Variants in N4BP2 observed in about 807,000 individuals in gnomAD.
N4BP2 encodes the protein NEDD4 binding protein 2.
In N4BP2, 91 loss-of-function variants were observed where a neutral mutation model predicts 152.8. The observed-to-expected ratio is 0.60, with a 90% CI of 0.50 to 0.71. The LOEUF (loss-of-function observed/expected upper bound fraction) is 0.71. Ranked by LOEUF, N4BP2 falls within the 30% of genes least tolerant of loss-of-function variation. N4BP2 has a pLI of 0.00. For missense variants in N4BP2, 1,923 were observed against 2,059.1 expected, an observed-to-expected ratio of 0.93 and a Z score of 1.28; for synonymous variants, 646 against 705.3, an observed-to-expected ratio of 0.92 and a Z score of 1.33.
chr4:40,150,498 C>T (rs1461618997), intron 16 of N4BP2, among the ~76,000 whole-genome samples: 1 of 152,128 alleles, frequency 6.6e-6, no homozygotes, highest in Non-Finnish European at 1.5e-5. Flanking sequence ...GAAACCACGT[C>T]TCCACTAATA....
Position 40,110,704 on chromosome 4 carries a change from A to AT in N4BP2, c.1499-1375dup, listed in dbSNP as rs553501464. Among the ~76,000 whole-genome samples the AT allele has an allele frequency of 6.6e-5, 10 of 152,078 alleles. No individual in the cohort carries two copies. The East Asian group carries it at 1.9e-3, about 29-fold the overall frequency. ...AGGTGCAAGCCACTACGCCCGGCTA[A>AT]TTTTTGTATTTTTAGTAGAGACGGG... On this transcript the variant is annotated intron_variant, in intron 5 of 17. Coordinates refer to ENST00000261435, the MANE Select transcript of N4BP2 (RefSeq NM_018177.6).
Position 40,120,714 on chromosome 4 carries a change from A to G in N4BP2, c.2603A>G (p.Tyr868Cys). 1 of 1,614,110 alleles carries G rather than the reference A, an allele frequency of 6.2e-7. No individual in the cohort carries two copies. The highest frequency in any genetic ancestry group is 8.5e-7 in the Non-Finnish European group (1 of 1,180,012). Residue 868 changes from tyrosine to cysteine, a missense_variant, in exon 9 of 18, where the codon TAT becomes TGT. Tyr to Cys is a radical substitution (Grantham distance 194). Transcript: ENST00000261435. ...TCAGAGCCACTCAATAGCTATAAAT[A>G]TGATGCTTATAAAAATATTGACAAA... Reference protein sequence around the residue: ...DASEPLNSYKYDAYKNIDKNS... With the variant: ...DASEPLNSYKCDAYKNIDKNS...
intron 2 of N4BP2, among the ~76,000 whole-genome samples, chr4:40,084,628 A>G (rs1486215646): frequency 2.4e-5 from 3 of 126,848 alleles, no homozygotes; most frequent in Non-Finnish European, 5.2e-5. Flanking sequence ...ATATATATAT[A>G]TAATTTTTTT....
At chr4:40,150,329 T>G (rs918542850) in intron 16 of N4BP2, among the ~76,000 whole-genome samples, 1 of 152,132 alleles carries the variant, frequency 6.6e-6, no homozygotes, top group Admixed American at 6.5e-5. Context: ...AGGAACATGT[T>G]AAACAACACC....
At chr4:40,147,447 G>A (rs1302324284) in intron 16 of N4BP2, among the ~76,000 whole-genome samples, 1 of 151,812 alleles carries the variant, frequency 6.6e-6, no homozygotes, top group Non-Finnish European at 1.5e-5. Flanking sequence ...CAGACGGGGT[G>A]GTGGCCGGGC....
chr4:40,096,542 G>C (rs1715120790), intron 2 of N4BP2, among the ~76,000 whole-genome samples: 1 of 152,170 alleles, frequency 6.6e-6, no homozygotes, highest in Non-Finnish European at 1.5e-5. Flanking sequence ...CTAGTGGATA[G>C]TTTAGTAGAA....
rs770639357 is a variant in N4BP2 at position 40,113,462 on chromosome 4, C to T, written c.1618C>T (p.Arg540Trp). 16 of 1,612,588 alleles carry T rather than the reference C, an allele frequency of 9.9e-6. No homozygotes were observed. The highest frequency in any genetic ancestry group is 3.3e-4 in the Middle Eastern group (2 of 6,076). ...GAAACACAAATATAAAGTCCTTTTT[C>T]GGGAACCAGACACATGGTGGAAGTT... ...SQKHKYKVLF[R>W]EPDTWWKFKP... Residue 540 changes from arginine to tryptophan, a missense_variant, in exon 7 of 18, where the codon CGG (arginine) becomes TGG (tryptophan). Transcript: ENST00000261435.
chr4:40,140,734 C>T (rs538919461), intron 14 of N4BP2, among the ~76,000 whole-genome samples: 6 of 151,736 alleles, frequency 4.0e-5, no homozygotes, highest in African/African-American at 9.7e-5. Context: ...GAGGACCCTG[C>T]GGCCTTCCGC....
chr4:40,153,604 A>G lies in N4BP2; in HGVS notation c.5268-588A>G, dbSNP rs146879967. On this transcript the variant is annotated intron_variant, in intron 17 of 17. Transcript: ENST00000261435. ...GTGTATCATTAACTCCTACCCACCA[A>G]TTTCAGTGTAGCATATTTATTTTAT... Among the ~76,000 whole-genome samples, 12 of 152,254 alleles carry G rather than the reference A, an allele frequency of 7.9e-5. No homozygotes were observed. In the East Asian group the frequency reaches 2.3e-3, roughly 29 times the overall value.
intron 14 of N4BP2, among the ~76,000 whole-genome samples, chr4:40,138,101 C>T (rs114584966): frequency 0.019 from 2,854 of 152,242 alleles, 101 homozygotes; most frequent in African/African-American, 0.065. Flanking sequence ...GCAAAAATTC[C>T]AGTGGCAGAA....
intron 2 of N4BP2, among the ~76,000 whole-genome samples, chr4:40,083,679 G>C (rs1713631581): frequency 6.6e-6 from 1 of 152,140 alleles, no homozygotes; most frequent in Non-Finnish European, 1.5e-5. Context: ...GGATAGGAGA[G>C]GGAGGAATGG....
At chr4:40,077,628 A>G (rs1314477742) in intron 2 of N4BP2, among the ~76,000 whole-genome samples, 1 of 151,800 alleles carries the variant, frequency 6.6e-6, no homozygotes, top group Admixed American at 6.6e-5. Context: ...TAATTTTTGT[A>G]TTTTTAGTAG....
rs201074418 is a variant in N4BP2 at position 40,099,737 on chromosome 4, C to CT, written c.229+2175dup. Reference sequence around the variant, plus strand: ...TTTTTCCCAGCAATCTGTATAAGGACTTTTTTTAATGTGATAAGTACCTAT... The same window carrying CT: ...TTTTTCCCAGCAATCTGTATAAGGACTTTTTTTTAATGTGATAAGTACCTAT... On this transcript the variant is annotated intron_variant, in intron 3 of 17. Coordinates refer to ENST00000261435, the MANE Select transcript of N4BP2 (RefSeq NM_018177.6). 6.0e-3 allele frequency among the ~76,000 whole-genome samples: 910 copies of CT among 151,860 alleles called. 9 individuals are homozygous for CT. Among genetic ancestry groups the CT allele is most frequent in the African/African-American group, 0.021 (858 of 41,424 alleles).
chr4:40,092,422 T>G (rs1334009529), intron 2 of N4BP2, among the ~76,000 whole-genome samples: 1 of 151,858 alleles, frequency 6.6e-6, no homozygotes, highest in Non-Finnish European at 1.5e-5. Flanking sequence ...TGTCAAACTT[T>G]TGTGTGTTCA....
downstream of N4BP2, among the ~76,000 whole-genome samples, chr4:40,160,400 T>A (rs1721827083): frequency 6.6e-6 from 1 of 152,138 alleles, no homozygotes; most frequent in Non-Finnish European, 1.5e-5. Flanking sequence ...GAATGTTGAT[T>A]TTTCTTGTGC....
At position 40,120,309 on chromosome 4, in the gene N4BP2, A is replaced by T; in HGVS notation, c.2198A>T (p.Asn733Ile). 6.2e-7 allele frequency: 1 copy of T among 1,612,702 alleles called. No individual in the cohort carries two copies. Among genetic ancestry groups the T allele is most frequent in the South Asian group, 1.1e-5 (1 of 90,924 alleles). Residue 733 changes from asparagine (N) to isoleucine (I), a missense_variant, in exon 9 of 18, where the codon AAT (asparagine) becomes ATT (isoleucine). Transcript: ENST00000261435. ...VSPSTCCSEN[N>I]QEDCDLANSG... ...CCTAGTACTTGCTGTAGTGAAAATA[A>T]TCAAGAAGACTGTGATCTTGCAAAT...
intron 16 of N4BP2, among the ~76,000 whole-genome samples, chr4:40,152,109 T>C (rs192189597): frequency 2.2e-4 from 33 of 152,354 alleles, no homozygotes; most frequent in African/African-American, 7.9e-4. Context: ...TTTGATGTTT[T>C]AAGAACTATC....
At chr4:40,169,610 A>G in the N4BP2 span, among the ~76,000 whole-genome samples, 1 of 151,714 alleles carries the variant, frequency 6.6e-6, no homozygotes, top group East Asian at 1.9e-4. Context: ...AAAAGCCAGC[A>G]AGAGCTGTAT....
At chr4:40,136,640 G>A (rs1210108346) in intron 13 of N4BP2, among the ~76,000 whole-genome samples, 2 of 152,170 alleles carry the variant, frequency 1.3e-5, no homozygotes, top group Admixed American at 6.5e-5. Context: ...CACCCGCCTC[G>A]GCCCCCCGAA....
Sources: gnomAD v4.1 joint callset for allele counts (sites outside exome capture counted in the v4.1 genomes callset) on GRCh38, gnomAD v4.1.1 for gene constraint, MANE v1.5 for transcripts, NCBI Gene and HGNC (gene_info 2026-07-23, HGNC 2026-07-21) for gene names.